The following DLGAP5 variants were observed in gnomAD, a reference collection of about 807,000 sequenced individuals.
The protein encoded by DLGAP5 is DLG associated protein 5.
DLGAP5 carries 90 observed loss-of-function variants against 99.6 expected under a neutral mutation model. The observed-to-expected ratio is 0.90, with a 90% CI of 0.76 to 1.08. The LOEUF (loss-of-function observed/expected upper bound fraction) is 1.08, where lower values mean the gene tolerates loss of function less well. Among genes scored for constraint, DLGAP5 ranks in the 50% least tolerant of loss-of-function variants. DLGAP5 has a pLI of 0.00. For synonymous variants in DLGAP5, 311 were observed against 321.3 expected (o/e 0.97, Z 0.34); for missense variants, 1,036 against 983.5 (o/e 1.05, Z -0.71).
At chr14:55,167,863 C>T (rs144024791) in intron 12 of DLGAP5, among the ~76,000 whole-genome samples, 4 of 152,258 alleles carry the variant, frequency 2.6e-5, no homozygotes, top group African/African-American at 9.6e-5. Flanking sequence ...TTTTCTTTCC[C>T]TGGATGCTTT....
intron 2 of DLGAP5, among the ~76,000 whole-genome samples, chr14:55,185,988 T>C (rs1487038854): frequency 6.6e-6 from 1 of 152,178 alleles, no homozygotes; most frequent in Non-Finnish European, 1.5e-5. Flanking sequence ...AAGACATTTC[T>C]GGAAGGGTGC....
rs544545986 is a variant in DLGAP5 at position 55,183,451 on chromosome 14, T to C, written c.432+109A>G. 6 of 924,004 alleles carry C rather than the reference T, an allele frequency of 6.5e-6. No homozygotes were observed. In the South Asian group the frequency reaches 1.3e-4, roughly 19 times the overall value. 57.2% of individuals were successfully genotyped at this position (924,004 alleles called of 1,614,324 possible). ...CTACTATTATGTCATTCCCACCTTC[T>C]ACCAACCAGTTAATAATGAGACTAA... On this transcript the variant is annotated intron_variant, in intron 3 of 18. Coordinates refer to ENST00000247191, the MANE Select transcript of DLGAP5 (RefSeq NM_014750.5).
chr14:55,179,332 C>G (rs1235899639), intron 7 of DLGAP5, among the ~76,000 whole-genome samples: 2 of 152,168 alleles, frequency 1.3e-5, no homozygotes, highest in Non-Finnish European at 2.9e-5. Flanking sequence ...TGCATTTCAC[C>G]CCACTTCACC....
intron 18 of DLGAP5, chr14:55,150,554 T>C (rs1250645482): frequency 1.1e-5 from 3 of 272,372 alleles, no homozygotes; most frequent in South Asian, 8.8e-5. Flanking sequence ...AGTACCCAGT[T>C]TGTCAGAGCA....
At chr14:55,161,392 T>G (rs899122810) in intron 13 of DLGAP5, among the ~76,000 whole-genome samples, 1 of 145,392 alleles carries the variant, frequency 6.9e-6, no homozygotes. Flanking sequence ...CATGAGACTT[T>G]ATTAGTAAAA....
chr14:55,179,362 C>A (rs1883200418), intron 7 of DLGAP5, among the ~76,000 whole-genome samples: 2 of 152,158 alleles, frequency 1.3e-5, no homozygotes, highest in Admixed American at 1.3e-4. Context: ...GGCTAATTCC[C>A]ACATACAGGT....
At chr14:55,161,657 G>A (rs1348626236) in intron 13 of DLGAP5, among the ~76,000 whole-genome samples, 5 of 150,876 alleles carry the variant, frequency 3.3e-5, no homozygotes, top group Admixed American at 6.6e-5. Context: ...TGATCTGCCC[G>A]CCTCAGCCGC....
At chr14:55,173,939 G>C (rs1158863526) in intron 10 of DLGAP5, among the ~76,000 whole-genome samples, 4 of 152,194 alleles carry the variant, frequency 2.6e-5, no homozygotes, top group Admixed American at 2.6e-4. Flanking sequence ...TGTACAGCAT[G>C]TGTGTTTGAG....
At chr14:55,186,222 G>A (rs1420473474) in intron 2 of DLGAP5, among the ~76,000 whole-genome samples, 1 of 152,194 alleles carries the variant, frequency 6.6e-6, no homozygotes, top group African/African-American at 2.4e-5. Flanking sequence ...GGTGAGCCGA[G>A]ATCGTGCCAT....
intron 13 of DLGAP5, among the ~76,000 whole-genome samples, chr14:55,162,670 T>C (rs571517369): frequency 6.6e-6 from 1 of 151,986 alleles, no homozygotes; most frequent in Admixed American, 6.6e-5. Context: ...ATATCCAGTA[T>C]GTGGTAACTT....
intron 2 of DLGAP5, among the ~76,000 whole-genome samples, chr14:55,184,823 T>A (rs1353380994): frequency 6.6e-6 from 1 of 152,216 alleles, no homozygotes; most frequent in African/African-American, 2.4e-5. Flanking sequence ...TTCAGATATA[T>A]CTCTGGATGA....
intron 2 of DLGAP5, among the ~76,000 whole-genome samples, chr14:55,187,485 A>C (rs1566510175): frequency 6.6e-6 from 1 of 151,398 alleles, no homozygotes; most frequent in African/African-American, 2.4e-5. Flanking sequence ...CACCCAGCTA[A>C]TTTTTTTATT....
intron 14 of DLGAP5, among the ~76,000 whole-genome samples, chr14:55,156,382 A>T (rs1177068099): frequency 6.6e-6 from 1 of 152,236 alleles, no homozygotes; most frequent in East Asian, 1.9e-4. Context: ...AAGGGAAATA[A>T]GTGAATATTT....
At position 55,158,522 on chromosome 14, in the gene DLGAP5, C is replaced by G; in HGVS notation, c.1873G>C (p.Gly625Arg). The G allele has an allele frequency of 6.2e-7, 1 of 1,611,918 alleles. No homozygotes were observed. Among genetic ancestry groups the G allele is most frequent in the Non-Finnish European group, 8.5e-7 (1 of 1,179,014 alleles). Residue 625 changes from glycine (G) to arginine (R), a missense_variant and splice_region_variant, in exon 14 of 19, where the codon GGA becomes CGA. Physicochemically the swap from Gly to Arg is moderately radical, Grantham distance 125. Transcript: ENST00000247191. ...RVESPVKLFS[G>R]LSVSSEGPSQ... ...AAATAAAAAATCAAAAACAACTAACCTGAGAATAATTTAACAGGACTTTCA... is the reference window on the plus strand; with the variant it reads ...AAATAAAAAATCAAAAACAACTAACGTGAGAATAATTTAACAGGACTTTCA...
rs761994904 is a variant in DLGAP5 at position 55,170,715 on chromosome 14, G to A, written c.1374C>T (p.Asp458=). The A allele has an allele frequency of 4.3e-6, 7 of 1,613,030 alleles. No homozygotes were observed. In the African/African-American group the frequency reaches 8.0e-5, roughly 18 times the overall value. Residue 458 remains aspartate (D), a synonymous_variant, in exon 11 of 19, where the codon GAC becomes GAT. Transcript: ENST00000247191. ...CFEWDRKLEL[D]IPDDAKDLIR... is the part of the protein sequence containing the mutation. ...ATGTTGCCTCACCATCATCTGGAAT[G>A]TCCAATTCAAGTTTCCTGTCCCACT... is the stretch of plus-strand genomic sequence containing the variant.
chr14:55,170,842 A>T (rs1882833882), intron 10 of DLGAP5, 55 bp from the exon 11 acceptor site: 1 of 1,260,490 alleles, frequency 7.9e-7, no homozygotes, highest in Non-Finnish European at 1.2e-6. Flanking sequence ...CTAGTAGCTA[A>T]GTATTAGCAT....
At chr14:55,152,486 A>G (rs1882052733) in intron 16 of DLGAP5, 104 bp downstream of exon 16, 2 of 826,818 alleles carry the variant, frequency 2.4e-6, no homozygotes, top group Non-Finnish European at 3.5e-6. Context: ...TGACTGATTT[A>G]GATTTCCAAC....
At chr14:55,172,977 G>A (rs369672824) in intron 10 of DLGAP5, among the ~76,000 whole-genome samples, 30 of 84,380 alleles carry the variant, frequency 3.6e-4, no homozygotes, top group African/African-American at 1.3e-3. Flanking sequence ...GCGAGACTCC[G>A]TCTCAAAAAA....
intron 8 of DLGAP5, among the ~76,000 whole-genome samples, chr14:55,176,820 T>C (rs1017223912): frequency 6.6e-6 from 1 of 151,076 alleles, no homozygotes; most frequent in Admixed American, 6.6e-5. Flanking sequence ...CTACTAAAGA[T>C]ACAAAAAATT....
Sources: gnomAD v4.1 joint callset for allele counts (sites outside exome capture counted in the v4.1 genomes callset) on GRCh38, gnomAD v4.1.1 for gene constraint, MANE v1.5 for transcripts, NCBI Gene and HGNC (gene_info 2026-07-23, HGNC 2026-07-21) for gene names.